Variants in ATP8A2 observed in about 807,000 individuals in gnomAD.
The protein encoded by ATP8A2 is phospholipid-transporting ATPase IB.
Under a neutral mutation model 165.6 loss-of-function variants are expected in ATP8A2, and 100 were observed. That is an observed-to-expected ratio of 0.60 (90% confidence interval 0.51 to 0.71). The LOEUF is 0.71. Among genes scored for constraint, ATP8A2 ranks in the 30% least tolerant of loss-of-function variants. The pLI, the probability that ATP8A2 is intolerant of heterozygous loss-of-function variation, is 0.00. For missense variants in ATP8A2, 1,227 were observed against 1,479.5 expected (o/e 0.83, Z 2.80); for synonymous variants, 543 against 548.8 (o/e 0.99, Z 0.15).
rs376481404 is a variant in ATP8A2, at chr13:26,012,856, T to C, written c.3469+234T>C. Among the ~76,000 whole-genome samples, 6 of 152,166 alleles carry C rather than the reference T, an allele frequency of 3.9e-5. No individual in the cohort carries two copies. In the East Asian group the frequency reaches 1.2e-3, roughly 29 times the overall value. On this transcript the variant is annotated intron_variant, in intron 36 of 36. Coordinates refer to ENST00000381655, the MANE Select transcript of ATP8A2 (RefSeq NM_016529.6). ...AAAATCCGTAAACTTAAAATCCTGGTGTGGTTATGATCCTTCCGTCAGCCT... is the reference window on the plus strand; with the variant it reads ...AAAATCCGTAAACTTAAAATCCTGGCGTGGTTATGATCCTTCCGTCAGCCT...
intron 25 of ATP8A2, among the ~76,000 whole-genome samples, chr13:25,744,499 G>A (rs74037424): frequency 6.6e-6 from 1 of 152,118 alleles, no homozygotes; most frequent in African/African-American, 2.4e-5. Context: ...CGGGGGGAGG[G>A]GAGAACTTAA....
chr13:25,494,406 C>T (rs2137660312), intron 2 of ATP8A2, among the ~76,000 whole-genome samples: 1 of 152,114 alleles, frequency 6.6e-6, no homozygotes, highest in Middle Eastern at 3.4e-3. Flanking sequence ...CTCCTGCTGC[C>T]AATATTGAAA....
At chr13:25,681,871 A>G (rs1274177094) in intron 24 of ATP8A2, among the ~76,000 whole-genome samples, 1 of 151,920 alleles carries the variant, frequency 6.6e-6, no homozygotes, top group African/African-American at 2.4e-5. Flanking sequence ...CCTTGAAAAT[A>G]GTTGAGAACA....
intron 2 of ATP8A2, among the ~76,000 whole-genome samples, chr13:25,475,255 A>C (rs570207217): frequency 2.0e-5 from 3 of 152,022 alleles, no homozygotes; most frequent in Non-Finnish European, 4.4e-5. Context: ...CCCTCTTGTA[A>C]GTGAGAATAT....
intron 33 of ATP8A2, among the ~76,000 whole-genome samples, 185 bp from the exon 34 acceptor site, chr13:25,961,390 A>G (rs1955656036): frequency 1.3e-5 from 2 of 152,248 alleles, no homozygotes; most frequent in South Asian, 4.1e-4. Flanking sequence ...AGAAGAGAGA[A>G]GGCTGCAGAG....
At chr13:25,460,108 G>GGA (rs1056952409) in intron 1 of ATP8A2, among the ~76,000 whole-genome samples, 4 of 152,176 alleles carry the variant, frequency 2.6e-5, no homozygotes, top group Admixed American at 1.3e-4. Flanking sequence ...GGCTGAGGTG[G>GGA]GAGAACTGCT....
At chr13:25,659,198 ATAG>A (rs538214879) in intron 24 of ATP8A2, among the ~76,000 whole-genome samples, 1 of 152,118 alleles carries the variant, frequency 6.6e-6, no homozygotes, top group South Asian at 2.1e-4. Flanking sequence ...CGAGTTACAG[ATAG>A]TAGGAGGTGA....
chr13:25,554,351 G>T (rs2038912459), intron 12 of ATP8A2, among the ~76,000 whole-genome samples: 1 of 152,180 alleles, frequency 6.6e-6, no homozygotes, highest in Admixed American at 6.5e-5. Flanking sequence ...TGGCTCTTAA[G>T]TAGTGGACTT....
At chr13:25,673,223 T>C (rs568207962) in intron 24 of ATP8A2, among the ~76,000 whole-genome samples, 2 of 152,264 alleles carry the variant, frequency 1.3e-5, no homozygotes, top group South Asian at 4.1e-4. Flanking sequence ...GATTTTCAGA[T>C]TGTACTATTA....
chr13:25,489,944 C>A (rs1178202537), intron 2 of ATP8A2, among the ~76,000 whole-genome samples: 1 of 152,180 alleles, frequency 6.6e-6, no homozygotes, highest in East Asian at 1.9e-4. Context: ...TGACAGCTGG[C>A]ATCCTTAGTC....
chr13:25,535,029 A>G (rs146771590), intron 6 of ATP8A2, among the ~76,000 whole-genome samples: 8 of 152,314 alleles, frequency 5.3e-5, no homozygotes, highest in Admixed American at 2.6e-4. Context: ...GTGTAGGAGA[A>G]AGCTTCCACT....
At chr13:25,716,713 T>C (rs1271034690) in intron 25 of ATP8A2, among the ~76,000 whole-genome samples, 3 of 152,174 alleles carry the variant, frequency 2.0e-5, no homozygotes, top group Non-Finnish European at 4.4e-5. Context: ...GTAGCTCTTA[T>C]TACGTGTAAA....
At chr13:25,610,564 G>A (rs1178742408) in intron 24 of ATP8A2, among the ~76,000 whole-genome samples, 1 of 151,992 alleles carries the variant, frequency 6.6e-6, no homozygotes, top group African/African-American at 2.4e-5. Context: ...CTCCAGATTT[G>A]TTCTTTTTGC....
intron 33 of ATP8A2, among the ~76,000 whole-genome samples, chr13:25,938,453 G>T (rs529758396): frequency 2.0e-5 from 3 of 152,188 alleles, no homozygotes; most frequent in Admixed American, 6.5e-5. Flanking sequence ...TATGGATCCC[G>T]CAGTAACTGT....
At chr13:25,971,411 C>A (rs1955910688) in intron 35 of ATP8A2, among the ~76,000 whole-genome samples, 1 of 151,934 alleles carries the variant, frequency 6.6e-6, no homozygotes. Flanking sequence ...CTCTGTCCTC[C>A]CTTCTAAAGA....
rs1593291638 is a variant in ATP8A2, at chr13:25,750,474, C to T, written c.2385-18572C>T. ...CAGCCTCCCTCCCCACAGCTATCCC[C>T]CCGATTCTGACTCCCACCTGCTTCC... On this transcript the variant is annotated intron_variant, in intron 25 of 36. Transcript: ENST00000381655. This position sits in a 1 kb window ranked among gnomAD's most constrained non-coding sequence, Gnocchi z 4.3. 2.6e-5 allele frequency among the ~76,000 whole-genome samples: 4 copies of T among 152,278 alleles called. 1 individual carries two copies. The South Asian group carries it at 8.3e-4, about 32-fold the overall frequency.
At chr13:25,830,517 G>C (rs1251984029) in intron 28 of ATP8A2, among the ~76,000 whole-genome samples, 5 of 152,154 alleles carry the variant, frequency 3.3e-5, no homozygotes, top group African/African-American at 4.8e-5. Flanking sequence ...GATCTGCCAG[G>C]TGAACTCCAA....
At chr13:25,397,760 G>T (rs1264797128) in intron 1 of ATP8A2, among the ~76,000 whole-genome samples, 1 of 152,216 alleles carries the variant, frequency 6.6e-6, no homozygotes, top group Non-Finnish European at 1.5e-5. Context: ...TATGCATTTT[G>T]GGGAGCTAGA....
At chr13:25,736,366 G>T (rs1401626308) in intron 25 of ATP8A2, among the ~76,000 whole-genome samples, 1 of 152,230 alleles carries the variant, frequency 6.6e-6, no homozygotes, top group Non-Finnish European at 1.5e-5. Flanking sequence ...TGTGGTCACA[G>T]AAGGCACTAC....
Sources: allele counts gnomAD v4.1 joint callset (sites outside exome capture counted in the v4.1 genomes callset), GRCh38; gene constraint gnomAD v4.1.1; non-coding constraint Gnocchi (gnomAD v3.1); transcripts MANE v1.5; gene names NCBI Gene and HGNC (gene_info 2026-07-23, HGNC 2026-07-21).